Variants in LYST observed in about 807,000 individuals in gnomAD.
The protein encoded by LYST is lysosomal trafficking regulator, also known as lysosomal-trafficking regulator.
A neutral mutation model predicts 413.6 loss-of-function variants in LYST; 192 were observed. The ratio of observed to expected loss-of-function variants is 0.46; its 90% CI spans 0.41 to 0.52. The LOEUF (loss-of-function observed/expected upper bound fraction) is 0.52, where lower values mean the gene tolerates loss of function less well. Ranked by LOEUF, LYST falls within the 20% of genes least tolerant of loss-of-function variation. The pLI is 0.00. For missense variants in LYST, 3,815 were observed against 4,499.9 expected (o/e 0.85, Z 4.35); for synonymous variants, 1,525 against 1,567.3 (o/e 0.97, Z 0.64).
intron 7 of LYST, 67 bp from the exon 8 acceptor site, chr1:235,803,131 CA>C: frequency 8.0e-7 from 1 of 1,257,664 alleles, no homozygotes; most frequent in Non-Finnish European, 1.2e-6. Context: ...ACTTATTACT[CA>C]AAAGTCATGT....
chr1:235,734,583 C>A lies in LYST; in HGVS notation c.8435G>T (p.Gly2812Val). ...HQGELTEEEL[G>V]TAELLMNALK... ...AGCATTCATAAGCAGTTCTGCTGTG[C>A]CTAGCTCTTCTTCAGTCAATTCACC... Residue 2812 changes from glycine (G) to valine (V), a missense_variant, in exon 32 of 53, where the codon GGC (glycine) becomes GTC (valine). Coordinates refer to ENST00000389793, the MANE Select transcript of LYST (RefSeq NM_000081.4). 6.2e-7 allele frequency: 1 copy of A among 1,613,200 alleles called. No individual in the cohort carries two copies. The highest frequency in any genetic ancestry group is 1.1e-5 in the South Asian group (1 of 91,020).
intron 1 of LYST, among the ~76,000 whole-genome samples, chr1:235,850,458 T>C (rs765167682): frequency 3.3e-5 from 5 of 152,198 alleles, no homozygotes; most frequent in Admixed American, 6.5e-5. Context: ...TTTCTAGACA[T>C]TGGCTTAGGC....
intron 45 of LYST, 137 bp from the exon 46 acceptor site, chr1:235,697,409 A>C: frequency 3.1e-6 from 2 of 641,706 alleles, no homozygotes; most frequent in Non-Finnish European, 5.4e-6. Flanking sequence ...TATTTTACGC[A>C]TTTTTTTTTA....
intron 50 of LYST, among the ~76,000 whole-genome samples, chr1:235,669,669 G>A (rs567071460): frequency 6.6e-6 from 1 of 152,302 alleles, no homozygotes; most frequent in South Asian, 2.1e-4. Flanking sequence ...AGTGGCCAAT[G>A]GGAAACCTCC....
intron 44 of LYST, among the ~76,000 whole-genome samples, chr1:235,706,784 T>A (rs1662025171): frequency 6.6e-6 from 1 of 152,240 alleles, no homozygotes; most frequent in East Asian, 1.9e-4. Context: ...AAGCCTATCT[T>A]ATTCTCTTTT....
At chr1:235,710,440 T>C (rs779016489) in intron 43 of LYST, among the ~76,000 whole-genome samples, 4 of 152,090 alleles carry the variant, frequency 2.6e-5, no homozygotes, top group Non-Finnish European at 5.9e-5. Context: ...GGGGATGGGG[T>C]GCATAAGGGC....
rs1658073102 is a variant in LYST, at chr1:235,661,819, T to C, written c.*1121A>G. On this transcript the variant is annotated 3_prime_UTR_variant, in exon 53 of 53. Coordinates refer to ENST00000389793, the MANE Select transcript of LYST (RefSeq NM_000081.4). The stretch of plus-strand genomic sequence containing the variant: ...TAAAAATATACAGACAGCCATCATA[T>C]GGGAGAGACAGACGGCTCCAAGATG... 1 of 152,608 alleles carries C rather than the reference T, an allele frequency of 6.6e-6. No homozygotes were observed. Among genetic ancestry groups the C allele is most frequent in the Non-Finnish European group, 1.5e-5 (1 of 68,040 alleles). 9.5% of individuals were successfully genotyped at this position (152,608 alleles called of 1,614,324 possible). A position where few individuals can be genotyped will look rare whatever the true frequency, so the allele number is the denominator to read the frequency against.
chr1:235,857,784 C>CACATATATAT (rs145820873), intron 1 of LYST, among the ~76,000 whole-genome samples: 6 of 122,132 alleles, frequency 4.9e-5, no homozygotes, highest in African/African-American at 1.9e-4. Flanking sequence ...CACACACACA[C>CACATATATAT]ATATATATAT....
chr1:235,670,526 C>T (rs1658852248), intron 50 of LYST, among the ~76,000 whole-genome samples: 1 of 152,148 alleles, frequency 6.6e-6, no homozygotes, highest in African/African-American at 2.4e-5. Context: ...TGTCTCACTG[C>T]AGCAGCCTCA....
At chr1:235,697,585 A>G (rs949680938) in intron 45 of LYST, among the ~76,000 whole-genome samples, 1 of 152,198 alleles carries the variant, frequency 6.6e-6, no homozygotes, top group Admixed American at 6.5e-5. Flanking sequence ...AAATACCTAA[A>G]CTAAAGTTGA....
intron 1 of LYST, among the ~76,000 whole-genome samples, chr1:235,863,503 T>A (rs919235433): frequency 4.7e-5 from 7 of 148,996 alleles, no homozygotes; most frequent in African/African-American, 1.7e-4. Flanking sequence ...AACCAGATAA[T>A]TCAGGAAAAG....
chr1:235,730,922 G>T lies in LYST; in HGVS notation c.8969C>A (p.Ser2990Tyr). The T allele has an allele frequency of 6.2e-7, 1 of 1,613,354 alleles. No individual in the cohort carries two copies. The highest frequency in any genetic ancestry group is 2.2e-5 in the East Asian group (1 of 44,844). ...KSEDVVKPPL[S>Y]YLFEDKTHSS... ...ATGAGTTTTGTCTTCAAACAGGTAA[G>T]AGAGTGGTGGTTTGACAACATCTGT... is the stretch of plus-strand genomic sequence containing the variant. Residue 2990 changes from serine (S) to tyrosine (Y), a missense_variant, in exon 36 of 53, where the codon TCT becomes TAT. Around this residue, in one of 4 missense-constraint regions of LYST, gnomAD observed 866 missense variants for 1,156.0 expected, o/e 0.75. Coordinates refer to ENST00000389793, the MANE Select transcript of LYST (RefSeq NM_000081.4).
At chr1:235,680,629 G>GA (rs1659736193) in intron 48 of LYST, among the ~76,000 whole-genome samples, 1 of 149,102 alleles carries the variant, frequency 6.7e-6, no homozygotes, top group East Asian at 2.0e-4. Context: ...ATGAAGTCTT[G>GA]CTCTTGCTGC....
intron 44 of LYST, among the ~76,000 whole-genome samples, 196 bp from the exon 45 acceptor site, chr1:235,703,173 G>A (rs552699029): frequency 2.6e-5 from 4 of 152,254 alleles, no homozygotes; most frequent in South Asian, 4.1e-4. Flanking sequence ...CAAAAACAAC[G>A]TATCTTGACT....
chr1:235,878,330 CTG>C (rs975135145), intron 1 of LYST, among the ~76,000 whole-genome samples: 21 of 152,132 alleles, frequency 1.4e-4, no homozygotes, highest in Non-Finnish European at 2.6e-4. Context: ...CGGGTGGACT[CTG>C]TGACCAGTGT....
At position 235,731,186 on chromosome 1, in the gene LYST, A is replaced by T. The variant is rs771447925; in HGVS notation, c.8802-9T>A. 6.2e-7 allele frequency: 1 copy of T among 1,613,786 alleles called. No homozygotes were observed. The highest frequency in any genetic ancestry group is 8.5e-7 in the Non-Finnish European group (1 of 1,179,760). ...GGTCATACCATACTGCTCTGCAAGT[A>T]AAAAGATTAAAGGGTGTTTTAAGTG... On this transcript the variant is annotated splice_polypyrimidine_tract_variant and intron_variant, in intron 34 of 52. Transcript: ENST00000389793.
chr1:235,753,479 A>G (rs1666695214), intron 25 of LYST, among the ~76,000 whole-genome samples: 1 of 152,200 alleles, frequency 6.6e-6, no homozygotes, highest in African/African-American at 2.4e-5. Context: ...TCCCAAGATA[A>G]ATACACAAAC....
Position 235,878,760 on chromosome 1 carries a change from A to C in LYST, n.454+4427T>G, listed in dbSNP as rs560222929. The stretch of plus-strand genomic sequence containing the variant: ...AGGGTTTCCTGATGGGATACAGACA[A>C]CACCATATTTACTGGCAGCTGTGCC... On this transcript the variant is annotated intron_variant and non_coding_transcript_variant, in intron 1 of 11. Coordinates refer to the LYST transcript ENST00000465349. Among the ~76,000 whole-genome samples, 33 of 152,304 alleles carry C rather than the reference A, an allele frequency of 2.2e-4. No individual in the cohort carries two copies. In the South Asian group the frequency reaches 6.4e-3, roughly 30 times the overall value.
At chr1:235,792,175 C>T in intron 11 of LYST, 50 bp from the exon 12 acceptor site, 2 of 1,197,486 alleles carry the variant, frequency 1.7e-6, no homozygotes, top group Non-Finnish European at 2.4e-6. Flanking sequence ...TAATAAAGTA[C>T]ATAATAATCT....
Sources: allele counts gnomAD v4.1 joint callset (sites outside exome capture counted in the v4.1 genomes callset), GRCh38; gene constraint gnomAD v4.1.1; regional missense constraint gnomAD v4.1.1; transcripts MANE v1.5; gene names NCBI Gene and HGNC (gene_info 2026-07-23, HGNC 2026-07-21).